SSPN: variants seen among roughly 807,000 people sequenced by gnomAD.
SSPN encodes K-ras oncogene-associated protein.
SSPN carries 15 observed loss-of-function variants against 19.1 expected under a neutral mutation model. That is an observed-to-expected ratio of 0.78 (90% confidence interval 0.52 to 1.21). The LOEUF is 1.21. Among genes scored for constraint, SSPN ranks in the 50% most tolerant of loss-of-function variants. The probability of loss-of-function intolerance (pLI) is 0.00; values close to 1 mark genes in which losing one functional copy is unlikely to be tolerated. For missense variants in SSPN, 291 were observed against 314.0 expected (o/e 0.93, Z 0.55); for synonymous variants, 147 against 140.3 (o/e 1.05, Z -0.34).
intron 1 of SSPN, among the ~76,000 whole-genome samples, chr12:26,178,440 G>A (rs1394884200): frequency 1.3e-5 from 2 of 152,046 alleles, no homozygotes; most frequent in Admixed American, 1.3e-4. Flanking sequence ...GAAATCTGAA[G>A]CACAGAATAA....
intron 1 of SSPN, among the ~76,000 whole-genome samples, chr12:26,203,327 A>G (rs1944902667): frequency 6.6e-6 from 1 of 152,186 alleles, no homozygotes; most frequent in Non-Finnish European, 1.5e-5. Context: ...ATGTCCATCA[A>G]AATCCAGAGC....
chr12:26,216,312 T>C (rs945616978), intron 1 of SSPN, among the ~76,000 whole-genome samples: 6 of 152,214 alleles, frequency 3.9e-5, no homozygotes, highest in African/African-American at 1.4e-4. Context: ...TTGTTAGAAA[T>C]GCGAATTGTC....
At chr12:26,174,721 A>G (rs908918920) in intron 1 of SSPN, among the ~76,000 whole-genome samples, 1 of 151,990 alleles carries the variant, frequency 6.6e-6, no homozygotes, top group Non-Finnish European at 1.5e-5. Context: ...GGGTTTCACC[A>G]TGTTGGCCAG....
In SSPN at chr12:26,195,790, G is replaced by C; in HGVS notation, c.118G>C (p.Gly40Arg). 1 of 1,526,504 alleles carries C rather than the reference G, an allele frequency of 6.6e-7. No individual in the cohort carries two copies. The highest frequency in any genetic ancestry group is 8.8e-7 in the Non-Finnish European group (1 of 1,139,910). 94.6% of individuals were successfully genotyped at this position (1,526,504 alleles called of 1,614,324 possible). The change falls in exon 1 of 3, where the codon GGG (glycine) becomes CGG (arginine). Residue 40 changes from glycine to arginine, a missense_variant. Coordinates refer to ENST00000242729, the MANE Select transcript of SSPN (RefSeq NM_005086.5). Reference sequence around the variant, plus strand: ...GGGCACGGGGGCCCCCAAGGAGTGCGGGGAGGAGGAGCCCCGGACCTGCTG... The same window carrying C: ...GGGCACGGGGGCCCCCAAGGAGTGCCGGGAGGAGGAGCCCCGGACCTGCTG... Reference protein sequence around the residue: ...KKGTGAPKECGEEEPRTCCGC... With the variant: ...KKGTGAPKECREEEPRTCCGC...
At chr12:26,155,583 G>A (rs1944551215) in intron 1 of SSPN, among the ~76,000 whole-genome samples, 1 of 152,180 alleles carries the variant, frequency 6.6e-6, no homozygotes, top group Non-Finnish European at 1.5e-5. Context: ...TTGTTAATAT[G>A]TGTGTAGGCC....
At chr12:26,144,502 G>T (rs1944478490) in intron 1 of SSPN, among the ~76,000 whole-genome samples, 1 of 152,088 alleles carries the variant, frequency 6.6e-6, no homozygotes, top group South Asian at 2.1e-4. Context: ...ATTCCCCCTG[G>T]CATGGTAACA....
intron 1 of SSPN, among the ~76,000 whole-genome samples, chr12:26,162,307 C>T (rs1944594331): frequency 6.6e-6 from 1 of 152,200 alleles, no homozygotes; most frequent in Non-Finnish European, 1.5e-5. Context: ...TCATCCAGCT[C>T]AACAGGGCTT....
chr12:26,130,522 A>G (rs1944391614), intron 1 of SSPN, among the ~76,000 whole-genome samples: 1 of 152,224 alleles, frequency 6.6e-6, no homozygotes, highest in Admixed American at 6.5e-5. Context: ...CTTTTTATTT[A>G]ATAGCTAAAG....
At chr12:26,155,751 CT>C (rs1235457318) in intron 1 of SSPN, among the ~76,000 whole-genome samples, 1 of 152,230 alleles carries the variant, frequency 6.6e-6, no homozygotes, top group Non-Finnish European at 1.5e-5. Flanking sequence ...TTAATGGCCA[CT>C]TATTGCACAT....
At chr12:26,123,316 C>T in intron 1 of SSPN, 1 of 1,209,904 alleles carries the variant, frequency 8.3e-7, no homozygotes, top group Non-Finnish European at 1.1e-6. Flanking sequence ...TATAATCCAC[C>T]AGTTGACGAG....
Position 26,122,291 on chromosome 12 carries a change from GGCGGCGGCA to G in SSPN, c.-31+148_-31+156del, listed in dbSNP as rs926557816. 26 of 1,194,592 alleles carry G rather than the reference GGCGGCGGCA, an allele frequency of 2.2e-5. No homozygotes were observed. The South Asian group carries it at 2.9e-4, about 13-fold the overall frequency. The allele number at this position is 1,194,592 out of a possible 1,614,324, so 74.0% of individuals were successfully genotyped here. ...AGGACAGGCAGGGGAACGCGGCGGC[GGCGGCGGCA>G]GCGGCGGCGGCGGCTGCCGCGGCTG... On this transcript the variant is annotated intron_variant, in intron 1 of 2. Coordinates refer to the SSPN transcript ENST00000538142.
At chr12:26,196,169 C>T (rs910688785) in intron 1 of SSPN, among the ~76,000 whole-genome samples, 2 of 152,238 alleles carry the variant, frequency 1.3e-5, no homozygotes, top group African/African-American at 4.8e-5. Context: ...TCGCGGCTCC[C>T]AGCGCCTCCA....
At position 26,174,503 on chromosome 12, in the gene SSPN, CCCTTCCTT is replaced by C. The variant is rs1555177709; in HGVS notation, c.-30-49769_-30-49762del. ...TCCTTCCTTCCTTCCTTCCTTCCTT[CCCTTCCTT>C]CCTTCCTTCCTTCCTTCCTTTCTTT... On this transcript the variant is annotated intron_variant, in intron 1 of 2. Coordinates refer to the SSPN transcript ENST00000538142. 4.8e-5 allele frequency among the ~76,000 whole-genome samples: 6 copies of C among 124,376 alleles called. No individual in the cohort carries two copies. In the South Asian group the frequency reaches 9.4e-4, roughly 19 times the overall value. The allele number at this position is 124,376 out of a possible 152,430, so 81.6% of individuals were successfully genotyped here.
At chr12:26,150,580 A>T (rs921800735) in intron 1 of SSPN, among the ~76,000 whole-genome samples, 1 of 91,740 alleles carries the variant, frequency 1.1e-5, no homozygotes, top group Non-Finnish European at 2.5e-5. Context: ...GCATTTTAAA[A>T]TTTTTTGTGC....
rs568217426 is a variant in SSPN at position 26,187,536 on chromosome 12, C to G, written c.-30-36757C>G. ...AATTTCCTACTTATTTTGATGTAAC[C>G]GTCACGAGGTGCACGGCAAAAGATC... On this transcript the variant is annotated intron_variant, in intron 1 of 2. Coordinates refer to the SSPN transcript ENST00000538142. Among the ~76,000 whole-genome samples the G allele has an allele frequency of 2.4e-4, 36 of 152,240 alleles. 1 individual carries two copies. In the South Asian group the frequency reaches 7.0e-3, roughly 30 times the overall value.
chr12:26,226,277 G>A (rs756135680), intron 2 of SSPN, among the ~76,000 whole-genome samples: 6 of 152,150 alleles, frequency 3.9e-5, no homozygotes, highest in Admixed American at 6.5e-5. Flanking sequence ...CTGGGGGGGC[G>A]AAGGCATAAC....
chr12:26,192,570 A>G (rs1944795728), upstream of SSPN, among the ~76,000 whole-genome samples: 1 of 152,198 alleles, frequency 6.6e-6, no homozygotes, highest in Non-Finnish European at 1.5e-5. Flanking sequence ...AATATCAATT[A>G]AGTGAAAATG....
At chr12:26,193,213 G>A (rs10842691), upstream of SSPN, among the ~76,000 whole-genome samples, 57,302 of 152,054 alleles carry the variant, frequency 0.38, 12,477 homozygotes, top group Admixed American at 0.55. Flanking sequence ...CTAGCCACTT[G>A]TTTGCCTATA....
At chr12:26,183,547 A>T (rs1944733354) in intron 1 of SSPN, among the ~76,000 whole-genome samples, 1 of 152,240 alleles carries the variant, frequency 6.6e-6, no homozygotes, top group South Asian at 2.1e-4. Flanking sequence ...AGCATTTATT[A>T]TGTAATTAAT....
Sources: allele counts gnomAD v4.1 joint callset (sites outside exome capture counted in the v4.1 genomes callset), GRCh38; gene constraint gnomAD v4.1.1; transcripts MANE v1.5; gene names NCBI Gene and HGNC (gene_info 2026-07-23, HGNC 2026-07-21).